E2F8: variants seen among roughly 807,000 people sequenced by gnomAD.
The protein encoded by E2F8 is E2F transcription factor 8.
In E2F8, 35 loss-of-function variants were observed where a neutral mutation model predicts 80.8. That is an observed-to-expected ratio of 0.43 (90% CI 0.33 to 0.57). The LOEUF is 0.57. E2F8 is among the 20% of genes least tolerant of loss of function. The pLI is 0.04. For synonymous variants in E2F8, 386 were observed against 395.0 expected (o/e 0.98, Z 0.27); for missense variants, 975 against 1,056.2 (o/e 0.92, Z 1.07).
At chr11:19,232,394 C>T (rs1322703279) in intron 6 of E2F8, 23 bp from the exon 7 acceptor site, 1 of 1,578,858 alleles carries the variant, frequency 6.3e-7, no homozygotes, top group Admixed American at 1.8e-5. Context: ...GTATATATAC[C>T]ACTTAATGGA....
rs750427787 is a variant in E2F8 at position 19,237,457 on chromosome 11, C to A, written c.308G>T (p.Gly103Val). The A allele has an allele frequency of 6.2e-7, 1 of 1,613,614 alleles. No individual in the cohort carries two copies. The highest frequency in any genetic ancestry group is 2.2e-5 in the East Asian group (1 of 44,858). Residue 103 changes from glycine (G) to valine (V), a missense_variant, in exon 4 of 13, where the codon GGA becomes GTA. Coordinates refer to ENST00000250024, the MANE Select transcript of E2F8 (RefSeq NM_024680.4). ...AKDCIHEHLS[G>V]DEFEKSQPSR... The stretch of plus-strand genomic sequence containing the variant: ...TGGTTGGGATTTCTCAAATTCATCT[C>A]CAGATAAGTGTTCCTACAAAGGAAA...
At position 19,234,989 on chromosome 11, in the gene E2F8, G is replaced by A. The variant is rs149896114; in HGVS notation, c.521C>T (p.Ala174Val). The A allele has an allele frequency of 8.1e-6, 13 of 1,614,154 alleles. No individual in the cohort carries two copies. The highest frequency in any genetic ancestry group is 1.3e-5 in the African/African-American group (1 of 75,018). ...CCCGTGCCAAGTGTACCTGTTTTTG[G>A]CGAGGCGGCTCACCATATGTAAACT... is the stretch of plus-strand genomic sequence containing the variant. Reference protein sequence around the residue: ...LESLHMVSRLAKNRYTWHGRH... With the variant: ...LESLHMVSRLVKNRYTWHGRH... Residue 174 changes from alanine to valine, a missense_variant, in exon 5 of 13, where the codon GCC (alanine) becomes GTC (valine). By Grantham distance (64) the Ala-to-Val change is moderately conservative. Coordinates refer to ENST00000250024, the MANE Select transcript of E2F8 (RefSeq NM_024680.4).
chr11:19,225,283 A>G lies in E2F8; in HGVS notation c.2359T>C (p.Ser787Pro). The G allele has an allele frequency of 6.2e-7, 1 of 1,614,106 alleles. No homozygotes were observed. Among genetic ancestry groups the G allele is most frequent in the Non-Finnish European group, 8.5e-7 (1 of 1,180,038 alleles). ...TQQGRATNYD[S>P]PVPGQSQPNG... is the part of the protein sequence containing the mutation. Reference sequence around the variant, plus strand: ...GGCTGGCTCTGGCCTGGGACTGGTGAGTCATAGTTGGTGGCCCTTCCTTGC... The same window carrying G: ...GGCTGGCTCTGGCCTGGGACTGGTGGGTCATAGTTGGTGGCCCTTCCTTGC... The change falls in exon 12 of 13, where the codon TCA becomes CCA. Residue 787 changes from serine (S) to proline (P), a missense_variant. Physicochemically the swap from Ser to Pro is moderately conservative, Grantham distance 74. Transcript: ENST00000250024.
Position 19,240,943 on chromosome 11 carries a change from A to G in E2F8, c.-505T>C, listed in dbSNP as rs933674543. The G allele has an allele frequency of 2.6e-5, 4 of 152,406 alleles. No individual in the cohort carries two copies. The highest frequency in any genetic ancestry group is 1.3e-4 in the Admixed American group (2 of 15,276). 9.4% of individuals were successfully genotyped at this position (152,406 alleles called of 1,614,324 possible). On this transcript the variant is annotated 5_prime_UTR_variant, in exon 1 of 13. Transcript: ENST00000250024. ...ACTGTCCCCCGGCCGCCACTCGCTC[A>G]GTGCACTTCCCCCAACTTTCGGCCA...
chr11:19,227,364 C>G (rs923278301), intron 10 of E2F8, among the ~76,000 whole-genome samples: 6 of 152,146 alleles, frequency 3.9e-5, no homozygotes, highest in African/African-American at 1.4e-4. Context: ...AAGACCTGCG[C>G]TCTATTAGCT....
In E2F8 at chr11:19,238,116, T is replaced by C. The variant is rs1851571805; in HGVS notation, c.32A>G (p.Glu11Gly). ...TTTCATTAGTCCCCTTTTATGTGGCTCACAAAAGAGATTTTCCTGGTTTAA... is the reference window on the plus strand; with the variant it reads ...TTTCATTAGTCCCCTTTTATGTGGCCCACAAAAGAGATTTTCCTGGTTTAA... MENEKENLFC[E>G]PHKRGLMKTP... The change falls in exon 3 of 13, where the codon GAG (glutamate) becomes GGG (glycine). Residue 11 changes from glutamate to glycine, a missense_variant. Physicochemically the swap from Glu to Gly is moderately conservative, Grantham distance 98 (BLOSUM62 -2). Coordinates refer to ENST00000250024, the MANE Select transcript of E2F8 (RefSeq NM_024680.4). 6 of 1,605,906 alleles carry C rather than the reference T, an allele frequency of 3.7e-6. No homozygotes were observed. The highest frequency in any genetic ancestry group is 3.4e-6 in the Non-Finnish European group (4 of 1,177,064).
intron 6 of E2F8, among the ~76,000 whole-genome samples, chr11:19,232,782 G>T (rs1489658215): frequency 6.6e-6 from 1 of 152,084 alleles, no homozygotes; most frequent in Non-Finnish European, 1.5e-5. Flanking sequence ...GCTTGTAATA[G>T]CTTATAACAA....
chr11:19,230,177 A>G, intron 9 of E2F8, 64 bp downstream of exon 9: 1 of 1,553,270 alleles, frequency 6.4e-7, no homozygotes, highest in African/African-American at 1.4e-5. Context: ...ACATAAAATA[A>G]GTAATCCTAA....
chr11:19,226,494 A>G (rs1851239976), intron 10 of E2F8, among the ~76,000 whole-genome samples: 1 of 146,594 alleles, frequency 6.8e-6, no homozygotes. Flanking sequence ...GAGGACTAGT[A>G]TTCTAAGGAA....
intron 4 of E2F8, among the ~76,000 whole-genome samples, chr11:19,235,803 A>G (rs1482566540): frequency 1.3e-5 from 2 of 152,206 alleles, no homozygotes; most frequent in African/African-American, 4.8e-5. Context: ...AAACACGTAC[A>G]CACACGCCCA....
At position 19,229,918 on chromosome 11, in the gene E2F8, G is replaced by C. The variant is rs1190158722; in HGVS notation, c.1429C>G (p.Pro477Ala). 2 of 1,614,060 alleles carry C rather than the reference G, an allele frequency of 1.2e-6. No individual in the cohort carries two copies. Among genetic ancestry groups the C allele is most frequent in the African/African-American group, 1.3e-5 (1 of 75,040 alleles). ...AGCTCCATCTCAGCATTCACTGGGG[G>C]GTCCAGAGGGGCTACTGGTTTGCAG... ...GPCKPVAPLDPPVNAEMELTA... is the reference protein window; with the variant it reads ...GPCKPVAPLDAPVNAEMELTA... Residue 477 changes from proline (P) to alanine (A), a missense_variant, in exon 10 of 13, where the codon CCC becomes GCC. Coordinates refer to ENST00000250024, the MANE Select transcript of E2F8 (RefSeq NM_024680.4). This position sits in a 1 kb window ranked among gnomAD's most constrained non-coding sequence, Gnocchi z 4.3.
At chr11:19,230,923 G>T (rs1263477975) in intron 7 of E2F8, 89 bp from the exon 8 acceptor site, 2 of 1,218,782 alleles carry the variant, frequency 1.6e-6, no homozygotes, top group Non-Finnish European at 2.3e-6. Context: ...AATAAAAGTG[G>T]CAAGTTACAG....
intron 2 of E2F8, among the ~76,000 whole-genome samples, chr11:19,239,133 G>A (rs1017400694): frequency 7.2e-5 from 11 of 152,194 alleles, no homozygotes; most frequent in African/African-American, 2.7e-4. Context: ...ATGGACAAAT[G>A]GGACATGTTG....
At position 19,225,360 on chromosome 11, in the gene E2F8, A is replaced by G. The variant is rs149571305; in HGVS notation, c.2282T>C (p.Val761Ala). ...ATTAACAGACTCTATTCTTGGAGACACAGGAACGATTCCAGACCCAGGGCT... is the reference window on the plus strand; with the variant it reads ...ATTAACAGACTCTATTCTTGGAGACGCAGGAACGATTCCAGACCCAGGGCT... ...SASPGSGIVPVSPRIESVNVA... is the reference protein window; with the variant it reads ...SASPGSGIVPASPRIESVNVA... Residue 761 changes from valine (V) to alanine (A), a missense_variant, in exon 12 of 13, where the codon GTG becomes GCG. By Grantham distance (64) the Val-to-Ala change is moderately conservative. Transcript: ENST00000250024. 5 of 1,614,064 alleles carry G rather than the reference A, an allele frequency of 3.1e-6. No homozygotes were observed. In the African/African-American group the frequency reaches 6.7e-5, roughly 22 times the overall value.
Position 19,240,229 on chromosome 11 carries a change from T to A in E2F8, c.-108A>T. 1 of 629,088 alleles carries A rather than the reference T, an allele frequency of 1.6e-6. No individual in the cohort carries two copies. The highest frequency in any genetic ancestry group is 3.1e-5 in the East Asian group (1 of 32,216). The allele number at this position is 629,088 out of a possible 1,614,324, so 39.0% of individuals were successfully genotyped here. A position where few individuals can be genotyped will look rare whatever the true frequency, so the allele number is the denominator to read the frequency against. ...ATCAATTGTACTAAAAGTTTTAATATCCTTAAAGAAAAAAGGAAATAGAAA... is the reference window on the plus strand; with the variant it reads ...ATCAATTGTACTAAAAGTTTTAATAACCTTAAAGAAAAAAGGAAATAGAAA... On this transcript the variant is annotated splice_region_variant and 5_prime_UTR_variant, in exon 2 of 13. Coordinates refer to ENST00000250024, the MANE Select transcript of E2F8 (RefSeq NM_024680.4).
chr11:19,230,036 T>G (rs769885971), intron 9 of E2F8, 48 bp from the exon 10 acceptor site: 1 of 1,605,182 alleles, frequency 6.2e-7, no homozygotes, highest in Non-Finnish European at 8.5e-7. Context: ...ACATTTTTTC[T>G]GAACTGTTCT....
chr11:19,239,487 C>A (rs1224054807), intron 2 of E2F8, among the ~76,000 whole-genome samples: 1 of 152,024 alleles, frequency 6.6e-6, no homozygotes, highest in Non-Finnish European at 1.5e-5. Flanking sequence ...TAGTTGGACA[C>A]CCCCCACAGA....
chr11:19,232,219 GA>G lies in E2F8; in HGVS notation c.1066+14del, dbSNP rs780875097. 2 of 1,608,270 alleles carry G rather than the reference GA, an allele frequency of 1.2e-6. No individual in the cohort carries two copies. The highest frequency in any genetic ancestry group is 1.7e-6 in the Non-Finnish European group (2 of 1,178,254). ...ACAAATAATAAAGCAGAGGGTGAAA[GA>G]AAAAAATACATACCACTGGTATTTG... On this transcript the variant is annotated intron_variant, in intron 7 of 12. Coordinates refer to ENST00000250024, the MANE Select transcript of E2F8 (RefSeq NM_024680.4).
intron 3 of E2F8, 71 bp from the exon 4 acceptor site, chr11:19,237,541 C>T: frequency 6.7e-7 from 1 of 1,489,950 alleles, no homozygotes; most frequent in African/African-American, 1.4e-5. Context: ...GGCATCTGTG[C>T]TCGATGACTG....
Sources: gnomAD v4.1 joint callset for allele counts (sites outside exome capture counted in the v4.1 genomes callset) on GRCh38, gnomAD v4.1.1 for gene constraint, Gnocchi (gnomAD v3.1) non-coding constraint, MANE v1.5 for transcripts, NCBI Gene and HGNC (gene_info 2026-07-23, HGNC 2026-07-21) for gene names.